Variants in HHAT observed in about 807,000 individuals in gnomAD.
The protein encoded by HHAT is hedgehog acyltransferase, also known as protein-cysteine N-palmitoyltransferase HHAT.
Under a neutral mutation model 70.8 loss-of-function variants are expected in HHAT, and 47 were observed. The ratio of observed to expected loss-of-function variants is 0.66; its 90% CI spans 0.53 to 0.85. The LOEUF (loss-of-function observed/expected upper bound fraction) is 0.85, where lower values mean the gene tolerates loss of function less well. HHAT is among the 40% of genes least tolerant of loss of function. The pLI is 0.00. For missense variants in HHAT, 609 were observed against 604.8 expected (o/e 1.01, Z -0.07); for synonymous variants, 228 against 247.6 (o/e 0.92, Z 0.74).
At chr1:210,631,451 A>G (rs1442220905) in intron 11 of HHAT, among the ~76,000 whole-genome samples, 4 of 152,232 alleles carry the variant, frequency 2.6e-5, no homozygotes, top group Non-Finnish European at 4.4e-5. Flanking sequence ...CTACACACCT[A>G]CAACTCTTTA....
chr1:210,623,129 T>A (rs1669178033), intron 10 of HHAT, among the ~76,000 whole-genome samples: 2 of 152,206 alleles, frequency 1.3e-5, no homozygotes, highest in Admixed American at 1.3e-4. Flanking sequence ...TGGAGTCCTG[T>A]GGTGTGATCA....
intron 8 of HHAT, among the ~76,000 whole-genome samples, chr1:210,491,061 C>CAG (rs1479430440): frequency 6.8e-5 from 5 of 73,452 alleles, no homozygotes; most frequent in Admixed American, 3.4e-4. Flanking sequence ...CACACACACA[C>CAG]ATAGTGTGTG....
At chr1:210,661,965 G>A (rs1677821346) in intron 11 of HHAT, among the ~76,000 whole-genome samples, 1 of 152,112 alleles carries the variant, frequency 6.6e-6, no homozygotes, top group African/African-American at 2.4e-5. Context: ...CACAGGTACT[G>A]TAGAACTTAA....
intron 7 of HHAT, among the ~76,000 whole-genome samples, chr1:210,452,918 A>G (rs571176980): frequency 2.0e-5 from 3 of 152,342 alleles, no homozygotes; most frequent in African/African-American, 7.2e-5. Flanking sequence ...TGGAATGTAC[A>G]TTAGAGTCCT....
upstream of HHAT, among the ~76,000 whole-genome samples, chr1:210,327,697 G>C (rs911520230): frequency 7.0e-6 from 1 of 142,806 alleles, no homozygotes; most frequent in Admixed American, 6.9e-5. Flanking sequence ...GTAGAGACGG[G>C]GTCTCACCAT....
At chr1:210,386,278 G>T (rs1356552897) in intron 3 of HHAT, among the ~76,000 whole-genome samples, 12 of 99,610 alleles carry the variant, frequency 1.2e-4, no homozygotes, top group Admixed American at 9.2e-4. Flanking sequence ...TCGCTCTGTC[G>T]CCCAGGCTGG....
chr1:210,490,444 C>T (rs2094533926), intron 8 of HHAT, among the ~76,000 whole-genome samples: 1 of 152,160 alleles, frequency 6.6e-6, no homozygotes, highest in Non-Finnish European at 1.5e-5. Flanking sequence ...TTGAAATGAC[C>T]TTACTTAGAC....
chr1:210,650,629 T>A (rs1303690670), intron 11 of HHAT, among the ~76,000 whole-genome samples: 1 of 152,200 alleles, frequency 6.6e-6, no homozygotes, highest in African/African-American at 2.4e-5. Context: ...TTTAAGGGGA[T>A]TCGGATCCAA....
intron 10 of HHAT, among the ~76,000 whole-genome samples, chr1:210,620,407 T>G (rs1332827600): frequency 6.6e-6 from 1 of 152,206 alleles, no homozygotes; most frequent in African/African-American, 2.4e-5. Flanking sequence ...GGATTGCAGC[T>G]GAGACTCCTG....
intron 7 of HHAT, among the ~76,000 whole-genome samples, chr1:210,434,717 C>G (rs2093335515): frequency 1.3e-5 from 2 of 151,364 alleles, no homozygotes; most frequent in Non-Finnish European, 2.9e-5. Flanking sequence ...ACCATTGACA[C>G]CTTTATATTA....
At chr1:210,485,332 CAG>C (rs1467730213) in intron 8 of HHAT, among the ~76,000 whole-genome samples, 1 of 152,174 alleles carries the variant, frequency 6.6e-6, no homozygotes, top group Non-Finnish European at 1.5e-5. Context: ...TCTGTAGACT[CAG>C]GGTCAGCCGC....
At chr1:210,514,139 A>G (rs2095010419) in intron 9 of HHAT, among the ~76,000 whole-genome samples, 1 of 152,190 alleles carries the variant, frequency 6.6e-6, no homozygotes, top group African/African-American at 2.4e-5. Flanking sequence ...TATCCCCACC[A>G]AAAACCACAT....
At chr1:210,664,611 C>A (rs2148968169) in intron 11 of HHAT, among the ~76,000 whole-genome samples, 1 of 152,232 alleles carries the variant, frequency 6.6e-6, no homozygotes, top group Non-Finnish European at 1.5e-5. Flanking sequence ...AAAATGCCAC[C>A]AAAGCAGAGA....
chr1:210,569,341 T>C (rs1459030354), intron 9 of HHAT, among the ~76,000 whole-genome samples: 1 of 115,012 alleles, frequency 8.7e-6, no homozygotes, highest in Non-Finnish European at 1.6e-5. Flanking sequence ...GCCACTGCAC[T>C]CCAGCTCGGG....
At chr1:210,508,665 C>T (rs1293745556) in intron 8 of HHAT, among the ~76,000 whole-genome samples, 1 of 152,128 alleles carries the variant, frequency 6.6e-6, no homozygotes, top group Non-Finnish European at 1.5e-5. Context: ...TTCATTCTTC[C>T]AGCCAGTAAG....
intron 11 of HHAT, among the ~76,000 whole-genome samples, chr1:210,642,808 T>C (rs2148915681): frequency 6.6e-6 from 1 of 152,354 alleles, no homozygotes; most frequent in African/African-American, 2.4e-5. Flanking sequence ...TTTTTTACTC[T>C]TTTAATGATG....
At chr1:210,566,682 A>C (rs1251540690) in intron 9 of HHAT, among the ~76,000 whole-genome samples, 1 of 152,118 alleles carries the variant, frequency 6.6e-6, no homozygotes, top group Non-Finnish European at 1.5e-5. Context: ...CTAGATGGCC[A>C]GACTCCAGGG....
intron 9 of HHAT, among the ~76,000 whole-genome samples, chr1:210,513,709 G>A (rs930134486): frequency 3.9e-5 from 6 of 152,166 alleles, no homozygotes; most frequent in Non-Finnish European, 7.3e-5. Context: ...TGTAACAGAG[G>A]TTAAATGGAA....
intron 7 of HHAT, among the ~76,000 whole-genome samples, chr1:210,430,940 C>T (rs1362643377): frequency 6.6e-6 from 1 of 151,780 alleles, no homozygotes; most frequent in Non-Finnish European, 1.5e-5. Context: ...ACATGATAAA[C>T]ATATTTATCT....
Sources: allele counts gnomAD v4.1 joint callset (sites outside exome capture counted in the v4.1 genomes callset), GRCh38; gene constraint gnomAD v4.1.1; transcripts MANE v1.5; gene names NCBI Gene and HGNC (gene_info 2026-07-23, HGNC 2026-07-21).